Variants in AGBL1 observed in about 807,000 individuals in gnomAD.
AGBL1 encodes the protein cytosolic carboxypeptidase 4.
In AGBL1, 130 loss-of-function variants were observed where a neutral mutation model predicts 118.9. The observed-to-expected ratio is 1.09, with a 90% CI of 0.95 to 1.26. AGBL1 has a LOEUF of 1.26. AGBL1 is among the 50% of genes most tolerant of loss of function. AGBL1 has a pLI of 0.00. For missense variants in AGBL1, 1,584 were observed against 1,298.1 expected, an observed-to-expected ratio of 1.22 and a Z score of -3.38; for synonymous variants, 555 against 478.9, an observed-to-expected ratio of 1.16 and a Z score of -2.08.
At chr15:86,671,038 A>G (rs545916635) in intron 21 of AGBL1, among the ~76,000 whole-genome samples, 1 of 152,082 alleles carries the variant, frequency 6.6e-6, no homozygotes, top group Non-Finnish European at 1.5e-5. Flanking sequence ...CTTGCCTGAC[A>G]CTCATTTCTA....
At chr15:86,958,639 T>C (rs1289437918) in intron 23 of AGBL1, among the ~76,000 whole-genome samples, 2 of 152,166 alleles carry the variant, frequency 1.3e-5, no homozygotes, top group African/African-American at 4.8e-5. Flanking sequence ...ATGTAAAGAC[T>C]CAGTTGAAAA....
chr15:86,224,819 T>C (rs972841578), intron 5 of AGBL1, 95 bp from the exon 6 acceptor site: 53 of 1,188,458 alleles, frequency 4.5e-5, no homozygotes, highest in Non-Finnish European at 5.5e-5. Context: ...CATGGGTCTG[T>C]TATGGGGTGG....
intron 22 of AGBL1, among the ~76,000 whole-genome samples, chr15:86,696,605 A>T (rs1331372166): frequency 2.6e-5 from 4 of 151,618 alleles, no homozygotes; most frequent in Admixed American, 6.6e-5. Flanking sequence ...TAGTATTGAG[A>T]TGTGAGGTAC....
chr15:86,823,834 A>G (rs1211751240), intron 22 of AGBL1, among the ~76,000 whole-genome samples: 1 of 152,138 alleles, frequency 6.6e-6, no homozygotes, highest in Non-Finnish European at 1.5e-5. Context: ...GAAAAATCAT[A>G]CTCATAGAAT....
chr15:86,649,723 AAAAC>A (rs754440760), intron 21 of AGBL1, among the ~76,000 whole-genome samples: 3 of 151,034 alleles, frequency 2.0e-5, no homozygotes, highest in Non-Finnish European at 4.4e-5. Flanking sequence ...TTTTTACATA[AAAAC>A]AATTATTCTG....
At chr15:86,170,374 C>T (rs1357754588) in intron 5 of AGBL1, among the ~76,000 whole-genome samples, 1 of 152,010 alleles carries the variant, frequency 6.6e-6, no homozygotes, top group Non-Finnish European at 1.5e-5. Flanking sequence ...CAACTTCAAG[C>T]AGCCCAGTAC....
At chr15:86,814,081 G>A (rs1184676915) in intron 22 of AGBL1, among the ~76,000 whole-genome samples, 1 of 152,126 alleles carries the variant, frequency 6.6e-6, no homozygotes, top group Non-Finnish European at 1.5e-5. Flanking sequence ...CTGTGGACTG[G>A]TACCAGTCTG....
At chr15:86,768,488 A>G (rs1260014268) in intron 22 of AGBL1, among the ~76,000 whole-genome samples, 1 of 151,762 alleles carries the variant, frequency 6.6e-6, no homozygotes, top group Non-Finnish European at 1.5e-5. Flanking sequence ...AAATTCTTCA[A>G]ACATTTTGCA....
rs533054946 is a variant in AGBL1 at position 86,215,658 on chromosome 15, C to T, written c.489-9256C>T. ...ACTTCAGGCAGGTTAAGTTACCTTT[C>T]TTAGTCTCTTCATCTGTAAAATGGC... On this transcript the variant is annotated intron_variant, in intron 5 of 22. Transcript: ENST00000614907. Among the ~76,000 whole-genome samples, 6 of 152,276 alleles carry T rather than the reference C, an allele frequency of 3.9e-5. No homozygotes were observed. In the South Asian group the frequency reaches 1.2e-3, roughly 32 times the overall value.
At chr15:86,829,473 G>T (rs2079074887) in intron 22 of AGBL1, among the ~76,000 whole-genome samples, 1 of 152,116 alleles carries the variant, frequency 6.6e-6, no homozygotes, top group Non-Finnish European at 1.5e-5. Flanking sequence ...TCTCTGACAA[G>T]CCCTAATTAG....
intron 21 of AGBL1, among the ~76,000 whole-genome samples, chr15:86,667,030 T>C (rs937074703): frequency 3.7e-4 from 56 of 152,184 alleles, no homozygotes; most frequent in Admixed American, 1.2e-3. Flanking sequence ...GTTCCTGATA[T>C]TTTCTTCTGT....
chr15:86,957,887 A>G (rs983900507), intron 23 of AGBL1, among the ~76,000 whole-genome samples: 8 of 152,058 alleles, frequency 5.3e-5, no homozygotes, highest in Non-Finnish European at 8.8e-5. Context: ...AACCTAGTAC[A>G]GTCAATATAA....
chr15:86,975,574 A>C (rs139576874), intron 23 of AGBL1, among the ~76,000 whole-genome samples: 166 of 152,086 alleles, frequency 1.1e-3, no homozygotes, highest in Non-Finnish European at 2.1e-3. Flanking sequence ...GTCTCCAAAA[A>C]TTCCCATTGC....
intron 23 of AGBL1, among the ~76,000 whole-genome samples, chr15:86,930,774 A>G (rs1420032100): frequency 6.6e-6 from 1 of 152,158 alleles, no homozygotes; most frequent in Non-Finnish European, 1.5e-5. Flanking sequence ...CCTGAACCAT[A>G]GATATAAAGG....
At chr15:86,332,713 G>A (rs2080293481) in intron 17 of AGBL1, among the ~76,000 whole-genome samples, 1 of 150,374 alleles carries the variant, frequency 6.7e-6, no homozygotes, top group Non-Finnish European at 1.5e-5. Context: ...CCTCATAGAT[G>A]TCTACAGAAT....
At chr15:86,361,340 G>A (rs1268490393) in intron 17 of AGBL1, among the ~76,000 whole-genome samples, 2 of 151,898 alleles carry the variant, frequency 1.3e-5, no homozygotes, top group Admixed American at 1.3e-4. Flanking sequence ...TCTTGAATTT[G>A]TTAAGAATTG....
At position 86,851,923 on chromosome 15, in the gene AGBL1, G is replaced by T. The variant is rs570123042; in HGVS notation, c.3159-55164G>T. On this transcript the variant is annotated intron_variant, in intron 22 of 22. Transcript: ENST00000614907. ...AATGGTTTTCCTGCAGCAGTGGCAGGTTTTTATTTTTTATTTTTTATTGTT... is the reference window on the plus strand; with the variant it reads ...AATGGTTTTCCTGCAGCAGTGGCAGTTTTTTATTTTTTATTTTTTATTGTT... Among the ~76,000 whole-genome samples the T allele has an allele frequency of 4.3e-4, 66 of 152,270 alleles. 1 individual carries two copies. Among genetic ancestry groups the T allele is most frequent in the Admixed American group, 3.9e-3 (60 of 15,292 alleles).
In AGBL1 at chr15:86,573,687, T is replaced by C. The variant is rs76308842; in HGVS notation, c.2994+19150T>C. Among the ~76,000 whole-genome samples the C allele has an allele frequency of 1.1e-3, 161 of 152,302 alleles. 4 individuals carry two copies. In the East Asian group the frequency reaches 0.027, roughly 26 times the overall value. ...ACTGGAGTATGTAAGAACATGATCC[T>C]CCTCCTTATTCCAACATGCCCTCTT... On this transcript the variant is annotated intron_variant, in intron 21 of 22. Coordinates refer to ENST00000614907, the MANE Select transcript of AGBL1 (RefSeq NM_001386094.1).
intron 22 of AGBL1, among the ~76,000 whole-genome samples, chr15:86,751,041 C>A (rs1464877227): frequency 6.6e-6 from 1 of 152,020 alleles, no homozygotes; most frequent in Non-Finnish European, 1.5e-5. Context: ...AGTCTATTGT[C>A]AGTAGGAATG....
Sources: gnomAD v4.1 joint callset for allele counts (sites outside exome capture counted in the v4.1 genomes callset) on GRCh38, gnomAD v4.1.1 for gene constraint, MANE v1.5 for transcripts, NCBI Gene and HGNC (gene_info 2026-07-23, HGNC 2026-07-21) for gene names.